The following SNRNP200 variants were observed in gnomAD, a reference collection of about 807,000 sequenced individuals.
The protein encoded by SNRNP200 is U5 small nuclear ribonucleoprotein 200 kDa helicase.
Under a neutral mutation model 255.2 loss-of-function variants are expected in SNRNP200, and 66 were observed. The ratio of observed to expected loss-of-function variants is 0.26; its 90% CI spans 0.21 to 0.32. The LOEUF (loss-of-function observed/expected upper bound fraction) is 0.32. Among genes scored for constraint, SNRNP200 ranks in the 10% least tolerant of loss-of-function variants. The pLI is 1.00. For synonymous variants in SNRNP200, 939 were observed against 1,027.8 expected, an observed-to-expected ratio of 0.91 and a Z score of 1.65; for missense variants, 1,585 against 2,749.8, an observed-to-expected ratio of 0.58 and a Z score of 9.47.
intron 43 of SNRNP200, chr2:96,276,440 T>TTTTA: frequency 1.2e-5 from 2 of 164,770 alleles, no homozygotes. Context: ...TTTTTTTTTT[T>TTTTA]TGAGATGAAG....
intron 24 of SNRNP200, 84 bp from the exon 25 acceptor site, chr2:96,288,053 T>G: frequency 8.0e-7 from 1 of 1,257,638 alleles, no homozygotes; most frequent in Non-Finnish European, 1.2e-6. Flanking sequence ...TTTCATTACC[T>G]CCAGCTCTGA....
chr2:96,302,791 G>A (rs2063960979), intron 3 of SNRNP200, among the ~76,000 whole-genome samples: 1 of 152,094 alleles, frequency 6.6e-6, no homozygotes, highest in Non-Finnish European at 1.5e-5. Context: ...TTACTATAAG[G>A]CATATTACAA....
chr2:96,283,738 C>T lies in SNRNP200; in HGVS notation c.4585-25G>A, dbSNP rs754351771. 2 of 1,614,072 alleles carry T rather than the reference C, an allele frequency of 1.2e-6. No individual in the cohort carries two copies. The highest frequency in any genetic ancestry group is 1.7e-6 in the Non-Finnish European group (2 of 1,180,036). ...CCTGGCGACCGGGGAGAAGAAAAGA[C>T]ACCAAGGTTATCAGACCTGGGTCAC... On this transcript the variant is annotated intron_variant, in intron 32 of 44. Transcript: ENST00000323853. The surrounding 1 kb of genome is among the most constrained non-coding windows in gnomAD (Gnocchi z 4.7).
intron 4 of SNRNP200, 91 bp downstream of exon 4, chr2:96,301,433 T>C (rs2063951453): frequency 7.5e-7 from 1 of 1,334,252 alleles, no homozygotes; most frequent in South Asian, 1.2e-5. Flanking sequence ...TCACTGACAT[T>C]AAGGTTTTTA....
chr2:96,286,231 C>A lies in SNRNP200; in HGVS notation c.4003+80G>T, dbSNP rs1274559734. The A allele has an allele frequency of 4.8e-6, 7 of 1,456,910 alleles. No individual in the cohort carries two copies. Among genetic ancestry groups the A allele is most frequent in the Admixed American group, 1.7e-5 (1 of 59,684 alleles). 90.2% of individuals were successfully genotyped at this position (1,456,910 alleles called of 1,614,324 possible). ...CAGACCTCCCAAGTGCCTGAGCACC[C>A]CCACTCCCCTGCCTGCCACAGAGCA... On this transcript the variant is annotated intron_variant, in intron 29 of 44. Coordinates refer to ENST00000323853, the MANE Select transcript of SNRNP200 (RefSeq NM_014014.5). The surrounding 1 kb of genome is among the most constrained non-coding windows in gnomAD (Gnocchi z 4.8).
chr2:96,279,980 A>T (rs1684733079), intron 35 of SNRNP200, among the ~76,000 whole-genome samples: 1 of 152,174 alleles, frequency 6.6e-6, no homozygotes, highest in Admixed American at 6.5e-5. Flanking sequence ...GCCACGGCTC[A>T]CTGCAGCCTT....
chr2:96,283,372 G>A lies in SNRNP200; in HGVS notation c.4764-20C>T, dbSNP rs779531976. 2.2e-5 allele frequency: 35 copies of A among 1,613,938 alleles called. No homozygotes were observed. The Admixed American group carries it at 5.7e-4, about 26-fold the overall frequency. ...AAGAACCTGTGCGGTACAGGCACTG[G>A]CTCAGCTCAGAGTAGTTCAATTCCT... On this transcript the variant is annotated intron_variant, in intron 33 of 44. Transcript: ENST00000323853. The surrounding 1 kb of genome is among the most constrained non-coding windows in gnomAD (Gnocchi z 4.7).
rs769389998 is a variant in SNRNP200, at chr2:96,284,378, G to A, written c.4372C>T (p.Leu1458Phe). Residue 1458 changes from leucine (L) to phenylalanine (F), a missense_variant, in exon 31 of 45, where the codon CTT (leucine) becomes TTT (phenylalanine). This residue lies in a region of SNRNP200 where 719 missense variants were observed against 1,091.1 expected (regional missense o/e 0.66). Coordinates refer to ENST00000323853, the MANE Select transcript of SNRNP200 (RefSeq NM_014014.5). ...CATACCCCATTCTCGCCCCCGATAA[G>A]GTGGACCTCATCCACCACGAAGAGG... The part of the protein sequence containing the change: ...INLFVVDEVH[L>F]IGGENGPVLE... The A allele has an allele frequency of 1.9e-6, 3 of 1,613,958 alleles. No homozygotes were observed. The highest frequency in any genetic ancestry group is 2.5e-6 in the Non-Finnish European group (3 of 1,179,978).
chr2:96,298,811 A>G lies in SNRNP200; in HGVS notation c.882+4T>C, dbSNP rs2063935566. The G allele has an allele frequency of 1.2e-6, 2 of 1,614,192 alleles. No individual in the cohort carries two copies. The highest frequency in any genetic ancestry group is 1.6e-4 in the Middle Eastern group (1 of 6,062). On this transcript the variant is annotated splice_donor_region_variant and intron_variant, in intron 7 of 44. Coordinates refer to ENST00000323853, the MANE Select transcript of SNRNP200 (RefSeq NM_014014.5). The stretch of plus-strand genomic sequence containing the variant: ...ATATACAACTATTGTCATCTTGGCC[A>G]TACCTTCAAAATCTCCAATACTTCA...
At chr2:96,301,398 A>G in intron 4 of SNRNP200, 126 bp downstream of exon 4, 1 of 1,076,610 alleles carries the variant, frequency 9.3e-7, no homozygotes, top group Non-Finnish European at 1.4e-6. Context: ...AACTCTTCAA[A>G]AAACACAGAA....
rs757243159 is a variant in SNRNP200 at position 96,297,037 on chromosome 2, C to T, written c.1411G>A (p.Ala471Thr). The T allele has an allele frequency of 1.2e-6, 2 of 1,614,176 alleles. No homozygotes were observed. The highest frequency in any genetic ancestry group is 8.5e-7 in the Non-Finnish European group (1 of 1,180,026). The change falls in exon 12 of 45, where the codon GCC becomes ACC. Residue 471 changes from alanine to threonine, a missense_variant. This residue lies in a region of SNRNP200 where 383 missense variants were observed against 645.3 expected (regional missense o/e 0.59). Transcript: ENST00000323853. ...TTGAAGCCCTCAAACCCAGCCTGGG[C>T]ATACTTTGGCAGCTTTTCCACTGGA... The part of the protein sequence containing the change: ...LLPVEKLPKY[A>T]QAGFEGFKTL...
In SNRNP200 at chr2:96,283,032, C is replaced by T; in HGVS notation, c.4915+169G>A. 1 of 820,236 alleles carries T rather than the reference C, an allele frequency of 1.2e-6. No individual in the cohort carries two copies. Among genetic ancestry groups the T allele is most frequent in the Non-Finnish European group, 2.0e-6 (1 of 498,474 alleles). The allele number at this position is 820,236 out of a possible 1,614,324, so 50.8% of individuals were successfully genotyped here. ...TAGGGATAGTGTTTGTCTCACCTGC[C>T]TCACGAGGTTCTTGGGAGGATCAAA... On this transcript the variant is annotated intron_variant, in intron 34 of 44. Transcript: ENST00000323853. The surrounding 1 kb of genome is among the most constrained non-coding windows in gnomAD (Gnocchi z 4.7).
In SNRNP200 at chr2:96,284,010, AAG is replaced by A; in HGVS notation, c.4393-8_4393-7del. On this transcript the variant is annotated splice_polypyrimidine_tract_variant and splice_region_variant and intron_variant, in intron 31 of 44. Coordinates refer to ENST00000323853, the MANE Select transcript of SNRNP200 (RefSeq NM_014014.5). The stretch of plus-strand genomic sequence containing the variant: ...CAGATCACTTCTAAGACAGGCTGGA[AAG>A]AGGGAGGGAGGGAGGGTCACTGCAG... The A allele has an allele frequency of 6.3e-7, 1 of 1,577,272 alleles. No homozygotes were observed. The highest frequency in any genetic ancestry group is 1.8e-5 in the Admixed American group (1 of 55,368).
Position 96,277,347 on chromosome 2 carries a change from T to C in SNRNP200, c.5932-106A>G, listed in dbSNP as rs1213368259. On this transcript the variant is annotated intron_variant, in intron 41 of 44. Coordinates refer to ENST00000323853, the MANE Select transcript of SNRNP200 (RefSeq NM_014014.5). The surrounding 1 kb of genome is among the most constrained non-coding windows in gnomAD (Gnocchi z 4.4). ...TTACCTCCTACACTATCAAGTCATCTAGATAAAACAGCTGCAGAAAGAACA... is the reference window on the plus strand; with the variant it reads ...TTACCTCCTACACTATCAAGTCATCCAGATAAAACAGCTGCAGAAAGAACA... 5.9e-6 allele frequency: 8 copies of C among 1,351,168 alleles called. No homozygotes were observed. Among genetic ancestry groups the C allele is most frequent in the African/African-American group, 1.4e-5 (1 of 69,740 alleles). 83.7% of individuals were successfully genotyped at this position (1,351,168 alleles called of 1,614,324 possible).
At chr2:96,303,804 C>A (rs1346525099) in intron 2 of SNRNP200, among the ~76,000 whole-genome samples, 1 of 151,234 alleles carries the variant, frequency 6.6e-6, no homozygotes, top group Non-Finnish European at 1.5e-5. Context: ...GCAGGAGAAT[C>A]GCTTGAACCC....
In SNRNP200 at chr2:96,291,784, T is replaced by C. The variant is rs2063885661; in HGVS notation, c.2277A>G (p.Thr759=). The change falls in exon 17 of 45, where the codon ACA becomes ACG. Residue 759 remains threonine, a synonymous_variant. Transcript: ENST00000323853. The surrounding 1 kb of genome is among the most constrained non-coding windows in gnomAD (Gnocchi z 4.2). ...GLFLREGSAS[T]EVLRTEAEQC... is the part of the protein sequence containing the mutation. ...GCTCAGCTTCTGTTCGCAGGACTTC[T>C]GTGGAGGCTGAGCCCTCCCTCAGAA... 7.4e-6 allele frequency: 12 copies of C among 1,614,096 alleles called. No homozygotes were observed. The East Asian group carries it at 2.5e-4, about 33-fold the overall frequency.
At chr2:96,297,864 G>T in intron 9 of SNRNP200, 144 bp from the exon 10 acceptor site, 1 of 862,584 alleles carries the variant, frequency 1.2e-6, no homozygotes, top group Non-Finnish European at 1.9e-6. Flanking sequence ...TTTACATGGG[G>T]ACCACCAGAA....
At chr2:96,297,182 T>C in intron 11 of SNRNP200, 112 bp from the exon 12 acceptor site, 1 of 1,549,944 alleles carries the variant, frequency 6.5e-7, no homozygotes, top group East Asian at 2.3e-5. Context: ...TAACTTTCCA[T>C]TAAAGGTCAG....
intron 14 of SNRNP200, 46 bp downstream of exon 14, chr2:96,295,442 C>T (rs767208204): frequency 1.2e-6 from 2 of 1,609,790 alleles, no homozygotes; most frequent in South Asian, 2.2e-5. Context: ...AGCAAACCCG[C>T]CCTGACACAA....
Sources: gnomAD v4.1 joint callset for allele counts (sites outside exome capture counted in the v4.1 genomes callset) on GRCh38, gnomAD v4.1.1 for gene constraint, gnomAD v4.1.1 regional missense constraint, Gnocchi (gnomAD v3.1) non-coding constraint, MANE v1.5 for transcripts, NCBI Gene and HGNC (gene_info 2026-07-23, HGNC 2026-07-21) for gene names.